Variants in TRIM71 observed in about 807,000 individuals in gnomAD.
TRIM71 encodes tripartite motif containing 71.
In TRIM71, 9 loss-of-function variants were observed where a neutral mutation model predicts 61.2. That is an observed-to-expected ratio of 0.15 (90% CI 0.09 to 0.26). The LOEUF (loss-of-function observed/expected upper bound fraction) is 0.26, where lower values mean the gene tolerates loss of function less well. TRIM71 is among the 10% of genes least tolerant of loss of function. The pLI is 1.00. For synonymous variants in TRIM71, 645 were observed against 553.2 expected, an observed-to-expected ratio of 1.17 and a Z score of -2.33; for missense variants, 998 against 1,238.7, an observed-to-expected ratio of 0.81 and a Z score of 2.92.
chr3:32,879,885 C>T (rs1696889282), intron 2 of TRIM71, among the ~76,000 whole-genome samples: 3 of 151,706 alleles, frequency 2.0e-5, no homozygotes, highest in African/African-American at 7.2e-5. Context: ...TGCTTGAGGC[C>T]TGGAGGTTGA....
At chr3:32,833,706 G>A (rs1696301550) in intron 1 of TRIM71, among the ~76,000 whole-genome samples, 1 of 151,002 alleles carries the variant, frequency 6.6e-6, no homozygotes, top group South Asian at 2.1e-4. Context: ...AAGTGCAGTG[G>A]GAAGAATGAC....
At chr3:32,863,193 AC>A (rs1696692854) in intron 1 of TRIM71, among the ~76,000 whole-genome samples, 1 of 113,382 alleles carries the variant, frequency 8.8e-6, no homozygotes, top group Non-Finnish European at 1.7e-5. Context: ...TATTAATTGA[AC>A]CTTTTTTTTT....
At chr3:32,824,779 G>A (rs953173326) in intron 1 of TRIM71, among the ~76,000 whole-genome samples, 2 of 152,064 alleles carry the variant, frequency 1.3e-5, no homozygotes, top group African/African-American at 4.8e-5. Context: ...CCACCTCGCT[G>A]GGCTAGATAG....
intron 1 of TRIM71, among the ~76,000 whole-genome samples, chr3:32,843,410 G>GC (rs1338922575): frequency 6.6e-6 from 1 of 152,146 alleles, no homozygotes; most frequent in African/African-American, 2.4e-5. Flanking sequence ...GGTTTGCCCA[G>GC]CTCTTGGGAC....
At chr3:32,834,677 A>G (rs981796977) in intron 1 of TRIM71, among the ~76,000 whole-genome samples, 3 of 152,140 alleles carry the variant, frequency 2.0e-5, no homozygotes, top group African/African-American at 7.2e-5. Flanking sequence ...CCCCGTCTCT[A>G]CTAAAAATAC....
intron 3 of TRIM71, among the ~76,000 whole-genome samples, chr3:32,889,668 A>C (rs1049030094): frequency 6.6e-6 from 1 of 150,964 alleles, no homozygotes; most frequent in Non-Finnish European, 1.5e-5. Context: ...TACTCACTGC[A>C]ACCTCCGCCT....
At chr3:32,875,925 T>C (rs1696847863) in intron 2 of TRIM71, among the ~76,000 whole-genome samples, 1 of 152,244 alleles carries the variant, frequency 6.6e-6, no homozygotes. Context: ...TCTCAGCCGC[T>C]ATCACATTCC....
intron 1 of TRIM71, among the ~76,000 whole-genome samples, chr3:32,864,283 G>A (rs1447412211): frequency 6.6e-6 from 1 of 152,166 alleles, no homozygotes; most frequent in East Asian, 1.9e-4. Context: ...CATTTTCTAA[G>A]CTGTCACTGA....
intron 1 of TRIM71, among the ~76,000 whole-genome samples, chr3:32,838,254 A>G (rs151243118): frequency 6.4e-4 from 98 of 152,154 alleles, no homozygotes; most frequent in African/African-American, 2.3e-3. Flanking sequence ...ACGGAGTTTC[A>G]CTATCGTTGC....
chr3:32,863,194 C>CTTTTTTTTT (rs1559545534), intron 1 of TRIM71, among the ~76,000 whole-genome samples: 1 of 117,664 alleles, frequency 8.5e-6, no homozygotes, highest in African/African-American at 3.3e-5. Context: ...ATTAATTGAA[C>CTTTTTTTTT]CTTTTTTTTT....
intron 1 of TRIM71, among the ~76,000 whole-genome samples, chr3:32,845,540 C>A (rs1326948606): frequency 6.6e-6 from 1 of 152,102 alleles, no homozygotes; most frequent in Admixed American, 6.5e-5. Context: ...GGGGGTTACT[C>A]ACAGGTACAA....
At chr3:32,824,124 A>G (rs1040316533) in intron 1 of TRIM71, among the ~76,000 whole-genome samples, 1 of 152,044 alleles carries the variant, frequency 6.6e-6, no homozygotes, top group Admixed American at 6.6e-5. Flanking sequence ...GCCATTTCCC[A>G]TCTAGTTCTC....
In TRIM71 at chr3:32,895,960, C is replaced by T. The variant is rs1286564972; in HGVS notation, c.*4149C>T. On this transcript the variant is annotated 3_prime_UTR_variant, in exon 4 of 4. Transcript: ENST00000383763. ...GTTACCATAAATCTACAACTGATTT[C>T]TCCCAGGAGAAATGTTCTACTTACC... The T allele has an allele frequency of 6.6e-6, 1 of 152,356 alleles. No individual in the cohort carries two copies. Among genetic ancestry groups the T allele is most frequent in the African/African-American group, 2.4e-5 (1 of 41,464 alleles). 9.4% of individuals were successfully genotyped at this position (152,356 alleles called of 1,614,324 possible).
chr3:32,851,409 G>T (rs1696536871), intron 1 of TRIM71, among the ~76,000 whole-genome samples: 1 of 152,186 alleles, frequency 6.6e-6, no homozygotes. Flanking sequence ...GTTCTTTGAA[G>T]ACTTAGCGTT....
chr3:32,833,870 A>G (rs1221629219), intron 1 of TRIM71, among the ~76,000 whole-genome samples: 1 of 152,072 alleles, frequency 6.6e-6, no homozygotes, highest in East Asian at 1.9e-4. Context: ...CCCCACCCCC[A>G]TCCTTGACCA....
At chr3:32,836,461 C>A (rs961557433) in intron 1 of TRIM71, among the ~76,000 whole-genome samples, 2 of 152,126 alleles carry the variant, frequency 1.3e-5, no homozygotes, top group African/African-American at 2.4e-5. Flanking sequence ...TTGTGTGTTA[C>A]AAAGGATTTT....
At chr3:32,873,600 C>T (rs1696821252) in intron 1 of TRIM71, among the ~76,000 whole-genome samples, 1 of 152,146 alleles carries the variant, frequency 6.6e-6, no homozygotes, top group Admixed American at 6.5e-5. Context: ...CCCCTCCATT[C>T]CCCCTTAATT....
chr3:32,829,231 CTG>C (rs1696238841), intron 1 of TRIM71, among the ~76,000 whole-genome samples: 1 of 143,212 alleles, frequency 7.0e-6, no homozygotes, highest in Non-Finnish European at 1.5e-5. Flanking sequence ...GTTGCCCAGG[CTG>C]GAGTGGAATG....
At chr3:32,823,813 C>T (rs1459101829) in intron 1 of TRIM71, among the ~76,000 whole-genome samples, 2 of 148,426 alleles carry the variant, frequency 1.3e-5, no homozygotes, top group Non-Finnish European at 3.0e-5. Context: ...GAGGGTCAGG[C>T]GTGAGCCACC....
Sources: allele counts gnomAD v4.1 joint callset (sites outside exome capture counted in the v4.1 genomes callset), GRCh38; gene constraint gnomAD v4.1.1; transcripts MANE v1.5; gene names NCBI Gene and HGNC (gene_info 2026-07-23, HGNC 2026-07-21).